Variants in STOX2 observed in about 807,000 individuals in gnomAD.
The protein encoded by STOX2 is storkhead box 2.
A neutral mutation model predicts 60.9 loss-of-function variants in STOX2; 28 were observed. The observed-to-expected ratio is 0.46, with a 90% confidence interval of 0.34 to 0.63. STOX2 has a LOEUF of 0.63. STOX2 is among the 30% of genes least tolerant of loss of function. STOX2 has a pLI of 0.01. For synonymous variants in STOX2, 472 were observed against 463.9 expected, an observed-to-expected ratio of 1.02 and a Z score of -0.22; for missense variants, 1,024 against 1,187.7, an observed-to-expected ratio of 0.86 and a Z score of 2.03.
At chr4:183,919,153 T>C (rs529500540) in intron 1 of STOX2, among the ~76,000 whole-genome samples, 22 of 152,358 alleles carry the variant, frequency 1.4e-4, no homozygotes, top group South Asian at 1.2e-3. Flanking sequence ...TTCTGGAGCA[T>C]GCAGATCTTG....
Position 183,951,198 on chromosome 4 carries a change from G to A in STOX2, c.166+44242G>A, listed in dbSNP as rs1191348289. Reference sequence around the variant, plus strand: ...CCACTGCACTCCAGCCTGGGCGACAGAGCGAGACTCCGTCTCAAAAAAAAA... The same window carrying A: ...CCACTGCACTCCAGCCTGGGCGACAAAGCGAGACTCCGTCTCAAAAAAAAA... On this transcript the variant is annotated intron_variant, in intron 1 of 3. Coordinates refer to ENST00000308497, the MANE Select transcript of STOX2 (RefSeq NM_020225.3). 1.4e-4 allele frequency among the ~76,000 whole-genome samples: 21 copies of A among 146,360 alleles called. 1 individual carries two copies. The highest frequency in any genetic ancestry group is 1.2e-3 in the Admixed American group (17 of 14,576).
chr4:183,925,070 G>T (rs1464107334), intron 1 of STOX2, among the ~76,000 whole-genome samples: 1 of 152,176 alleles, frequency 6.6e-6, no homozygotes, highest in African/African-American at 2.4e-5. Context: ...CAAGTAGAAG[G>T]ATCTAGAGTA....
intron 1 of STOX2, among the ~76,000 whole-genome samples, chr4:183,879,382 C>G (rs1271601161): frequency 2.6e-5 from 4 of 152,214 alleles, no homozygotes; most frequent in Non-Finnish European, 5.9e-5. Flanking sequence ...CACGGTGGCT[C>G]TATGCTGGCC....
At chr4:183,907,518 C>T (rs1049969040) in intron 1 of STOX2, among the ~76,000 whole-genome samples, 2 of 152,176 alleles carry the variant, frequency 1.3e-5, no homozygotes, top group Non-Finnish European at 2.9e-5. Flanking sequence ...TGAATGCTCA[C>T]ATGATTCTGT....
rs116321641 is a variant in STOX2 at position 183,804,312 on chromosome 4, C to T, written c.364+6257C>T. ...AGAAGCAGTGTTTTGGATGACTACT[C>T]GACAGTACCTCATTTGGGGTGACAC... On this transcript the variant is annotated intron_variant, in intron 1 of 2. Coordinates refer to the STOX2 transcript ENST00000513034. Among the ~76,000 whole-genome samples, 1,142 of 152,288 alleles carry T rather than the reference C, an allele frequency of 7.5e-3. 18 individuals carry two copies. Among genetic ancestry groups the T allele is most frequent in the African/African-American group, 0.026 (1,067 of 41,558 alleles).
At chr4:183,997,425 C>T (rs980075981) in intron 1 of STOX2, among the ~76,000 whole-genome samples, 13 of 152,178 alleles carry the variant, frequency 8.5e-5, no homozygotes, top group Admixed American at 2.0e-4. Context: ...CACGTGGGCC[C>T]GTGTAGGCCT....
intron 1 of STOX2, among the ~76,000 whole-genome samples, chr4:183,994,811 C>A (rs1025953246): frequency 1.7e-4 from 26 of 151,792 alleles, no homozygotes; most frequent in African/African-American, 6.3e-4. Context: ...TGTTTTGGTA[C>A]AAGAATTTCA....
rs763734938 is a variant in STOX2 at position 184,010,830 on chromosome 4, C to A, written c.1992C>A (p.Gly664=). ...AGTCACCAAAAGGGCCGGGTGGGGGCCCCGCTGCTTCGGGAGGAGTGGCTG... is the reference window on the plus strand; with the variant it reads ...AGTCACCAAAAGGGCCGGGTGGGGGACCCGCTGCTTCGGGAGGAGTGGCTG... ...KEESPKGPGG[G]PAASGGVAEG... Residue 664 remains glycine, a synonymous_variant, in exon 3 of 4, where the codon GGC becomes GGA. Transcript: ENST00000308497. The surrounding 1 kb of genome is among the most constrained non-coding windows in gnomAD (Gnocchi z 4.5). 21 of 1,591,018 alleles carry A rather than the reference C, an allele frequency of 1.3e-5. No individual in the cohort carries two copies. Among genetic ancestry groups the A allele is most frequent in the Non-Finnish European group, 1.8e-5 (21 of 1,168,830 alleles).
chr4:183,983,381 C>T (rs374083561), intron 1 of STOX2, among the ~76,000 whole-genome samples: 1 of 152,206 alleles, frequency 6.6e-6, no homozygotes, highest in South Asian at 2.1e-4. Flanking sequence ...GGTACTCATT[C>T]ATCGTTACTG....
At chr4:183,914,086 G>A (rs1202213548) in intron 1 of STOX2, among the ~76,000 whole-genome samples, 1 of 152,176 alleles carries the variant, frequency 6.6e-6, no homozygotes, top group Non-Finnish European at 1.5e-5. Context: ...CCATGTACCT[G>A]AGCGGTACTC....
At chr4:183,976,728 C>T (rs961474615) in intron 1 of STOX2, among the ~76,000 whole-genome samples, 2 of 152,128 alleles carry the variant, frequency 1.3e-5, no homozygotes, top group African/African-American at 4.8e-5. Flanking sequence ...GAAAAAGAAA[C>T]CTGTAGCTAA....
intron 1 of STOX2, among the ~76,000 whole-genome samples, chr4:183,942,835 CG>C (rs1742789049): frequency 1.3e-5 from 2 of 152,130 alleles, no homozygotes; most frequent in South Asian, 2.1e-4. Flanking sequence ...CCAATTCTTA[CG>C]GCTCTGAAAT....
intron 1 of STOX2, among the ~76,000 whole-genome samples, chr4:183,826,692 G>T (rs918855298): frequency 1.3e-5 from 2 of 152,194 alleles, no homozygotes; most frequent in African/African-American, 4.8e-5. Context: ...AATCTGCCCC[G>T]CAGGGTTTGC....
intron 1 of STOX2, among the ~76,000 whole-genome samples, chr4:183,953,031 C>A (rs1743138134): frequency 6.6e-6 from 1 of 152,022 alleles, no homozygotes; most frequent in South Asian, 2.1e-4. Flanking sequence ...CACACTGGGG[C>A]CTGTCAGAGG....
chr4:183,983,665 G>A (rs1732735751), intron 1 of STOX2, among the ~76,000 whole-genome samples: 1 of 152,236 alleles, frequency 6.6e-6, no homozygotes, highest in South Asian at 2.1e-4. Context: ...GAGAATGGAG[G>A]TGTCAGGCTT....
rs535217951 is a variant in STOX2 at position 183,800,188 on chromosome 4, T to G, written c.364+2133T>G. On this transcript the variant is annotated intron_variant, in intron 1 of 2. Transcript: ENST00000513034. Reference sequence around the variant, plus strand: ...AAATTCTCAATATCTGCTGCAGGCTTCCTCATTTTTTTTTGTTGCCAGATC... The same window carrying G: ...AAATTCTCAATATCTGCTGCAGGCTGCCTCATTTTTTTTTGTTGCCAGATC... Among the ~76,000 whole-genome samples the G allele has an allele frequency of 1.2e-3, 11 of 8,910 alleles. No individual in the cohort carries two copies. In the East Asian group the frequency reaches 0.079, roughly 64 times the overall value. The allele number at this position is 8,910 out of a possible 152,430, so 5.8% of individuals were successfully genotyped here. A position where few individuals can be genotyped will look rare whatever the true frequency, so the allele number is the denominator to read the frequency against.
At chr4:183,938,539 C>G (rs549069214) in intron 1 of STOX2, among the ~76,000 whole-genome samples, 1 of 151,850 alleles carries the variant, frequency 6.6e-6, no homozygotes, top group African/African-American at 2.4e-5. Flanking sequence ...TGTGGTGGTG[C>G]ACGCCTGTAA....
At chr4:183,809,049 G>T (rs1390671011) in intron 1 of STOX2, among the ~76,000 whole-genome samples, 1 of 152,164 alleles carries the variant, frequency 6.6e-6, no homozygotes, top group Non-Finnish European at 1.5e-5. Context: ...CTTGAATTTT[G>T]TGGAATTTGG....
intron 1 of STOX2, among the ~76,000 whole-genome samples, chr4:183,917,832 T>C (rs183906039): frequency 1.1e-4 from 16 of 152,352 alleles, no homozygotes; most frequent in African/African-American, 3.8e-4. Flanking sequence ...CATTCATACA[T>C]TGGTGCTGGC....
Sources: gnomAD v4.1 joint callset for allele counts (sites outside exome capture counted in the v4.1 genomes callset) on GRCh38, gnomAD v4.1.1 for gene constraint, Gnocchi (gnomAD v3.1) non-coding constraint, MANE v1.5 for transcripts, NCBI Gene and HGNC (gene_info 2026-07-23, HGNC 2026-07-21) for gene names.